Variants in SNRNP48 observed in about 807,000 individuals in gnomAD.
SNRNP48 encodes the protein U11/U12 small nuclear ribonucleoprotein 48 kDa protein.
A neutral mutation model predicts 47.0 loss-of-function variants in SNRNP48; 43 were observed. That is an observed-to-expected ratio of 0.92 (90% CI 0.72 to 1.18). SNRNP48 has a LOEUF of 1.18. SNRNP48 is among the 50% of genes most tolerant of loss of function. SNRNP48 has a pLI of 0.00. For synonymous variants in SNRNP48, 138 were observed against 144.0 expected (o/e 0.96, Z 0.30); for missense variants, 396 against 422.2 (o/e 0.94, Z 0.54).
rs1348932994 is a variant in SNRNP48, at chr6:7,609,131, G to A, written c.*258G>A. 8.4e-6 allele frequency: 2 copies of A among 237,022 alleles called. No homozygotes were observed. Among genetic ancestry groups the A allele is most frequent in the African/African-American group, 2.3e-5 (1 of 44,440 alleles). The allele number at this position is 237,022 out of a possible 1,614,324, so 14.7% of individuals were successfully genotyped here. On this transcript the variant is annotated 3_prime_UTR_variant, in exon 9 of 9. Coordinates refer to ENST00000342415, the MANE Select transcript of SNRNP48 (RefSeq NM_152551.4). ...TCCTATAACTGATGTTGTTTTGTTC[G>A]TTTTGCTAATATATGTATCTCAAAA...
intron 1 of SNRNP48, among the ~76,000 whole-genome samples, 182 bp downstream of exon 1, chr6:7,590,595 C>T (rs9328431): frequency 0.09 from 13,672 of 152,212 alleles, 929 homozygotes; most frequent in East Asian, 0.28. Flanking sequence ...CCTGACGTCC[C>T]TGGGTTCCGG....
chr6:7,598,274 C>A (rs2113717596), intron 4 of SNRNP48, among the ~76,000 whole-genome samples: 1 of 152,024 alleles, frequency 6.6e-6, no homozygotes, highest in Non-Finnish European at 1.5e-5. Flanking sequence ...GTGGGCAGAT[C>A]ACCTGAGGCC....
In SNRNP48 at chr6:7,610,179, A is replaced by G. The variant is rs552276028; in HGVS notation, c.*1306A>G. The G allele has an allele frequency of 5.3e-4, 81 of 152,348 alleles. 1 individual carries two copies. The highest frequency in any genetic ancestry group is 1.9e-3 in the African/African-American group (79 of 41,580). 9.4% of individuals were successfully genotyped at this position (152,348 alleles called of 1,614,324 possible). On this transcript the variant is annotated 3_prime_UTR_variant, in exon 9 of 9. Transcript: ENST00000342415. ...CGACATCTAAATAGCAATATTTTGA[A>G]TACTGGAAACTCAGGTTAAAGATTT...
In SNRNP48 at chr6:7,597,368, A is replaced by G. The variant is rs143006412; in HGVS notation, c.406+2267A>G. 2.5e-4 allele frequency among the ~76,000 whole-genome samples: 38 copies of G among 152,348 alleles called. No individual in the cohort carries two copies. The East Asian group carries it at 6.9e-3, about 28-fold the overall frequency. On this transcript the variant is annotated intron_variant, in intron 4 of 8. Coordinates refer to ENST00000342415, the MANE Select transcript of SNRNP48 (RefSeq NM_152551.4). ...TAAGTGGAAGAATATCACAAACTTC[A>G]TATCTCTGCATACTAATCGTGACTA... is the stretch of plus-strand genomic sequence containing the variant.
intron 8 of SNRNP48, among the ~76,000 whole-genome samples, chr6:7,608,419 T>C (rs1042180332): frequency 4.6e-5 from 7 of 151,874 alleles, no homozygotes; most frequent in Admixed American, 1.3e-4. Flanking sequence ...TAGCCAGGTG[T>C]GGTGGTTCGC....
chr6:7,595,034 C>G lies in SNRNP48; in HGVS notation c.339C>G (p.Asp113Glu). Reference sequence around the variant, plus strand: ...TTTTTTTTTTTTTGACAGATAAGGACTCACAATTCCAGATAATTAAACAAG... The same window carrying G: ...TTTTTTTTTTTTTGACAGATAAGGAGTCACAATTCCAGATAATTAAACAAG... ...VKIPSITLNK[D>E]SQFQIIKQAR... Residue 113 changes from aspartate (D) to glutamate (E), a missense_variant, in exon 4 of 9, where the codon GAC becomes GAG. Coordinates refer to ENST00000342415, the MANE Select transcript of SNRNP48 (RefSeq NM_152551.4). The G allele has an allele frequency of 6.3e-7, 1 of 1,588,924 alleles. No individual in the cohort carries two copies. Among genetic ancestry groups the G allele is most frequent in the Non-Finnish European group, 8.5e-7 (1 of 1,171,096 alleles).
intron 4 of SNRNP48, among the ~76,000 whole-genome samples, chr6:7,596,355 C>T (rs1158199700): frequency 6.6e-6 from 1 of 152,124 alleles, no homozygotes; most frequent in Non-Finnish European, 1.5e-5. Flanking sequence ...ACCTGAACAG[C>T]TTCTCTTGTA....
chr6:7,603,962 G>A (rs1404975165), intron 6 of SNRNP48, among the ~76,000 whole-genome samples: 1 of 152,188 alleles, frequency 6.6e-6, no homozygotes, highest in African/African-American at 2.4e-5. Flanking sequence ...TACTAAAGTG[G>A]ATAGCATCGT....
chr6:7,601,675 G>C, intron 5 of SNRNP48, 151 bp downstream of exon 5: 1 of 729,210 alleles, frequency 1.4e-6, no homozygotes. Context: ...CTCTGTGTCT[G>C]TGGGTTCCAT....
chr6:7,599,200 T>C (rs1759965766), intron 4 of SNRNP48, among the ~76,000 whole-genome samples: 1 of 152,200 alleles, frequency 6.6e-6, no homozygotes, highest in East Asian at 1.9e-4. Context: ...TGTATCTTTG[T>C]GACAACACCT....
chr6:7,594,799 G>T (rs541026362), intron 3 of SNRNP48, among the ~76,000 whole-genome samples: 7 of 152,170 alleles, frequency 4.6e-5, no homozygotes, highest in Non-Finnish European at 1.0e-4. Flanking sequence ...CTACTGCTGC[G>T]TGCCTAATTA....
chr6:7,592,925 G>C (rs916026291), intron 1 of SNRNP48, among the ~76,000 whole-genome samples: 1 of 152,108 alleles, frequency 6.6e-6, no homozygotes, highest in Non-Finnish European at 1.5e-5. Flanking sequence ...TGAGGGAGAA[G>C]TAGTTTCTTG....
chr6:7,610,030 C>G lies in SNRNP48; in HGVS notation c.*1157C>G, dbSNP rs1760204485. 6.6e-6 allele frequency: 1 copy of G among 152,174 alleles called. No individual in the cohort carries two copies. Among genetic ancestry groups the G allele is most frequent in the Non-Finnish European group, 1.5e-5 (1 of 68,052 alleles). 9.4% of individuals were successfully genotyped at this position (152,174 alleles called of 1,614,324 possible). ...CTGTAGTATGTACTTTGCCTTCTTC[C>G]TCTCTGCAGATTTTTGAGATTGATC... On this transcript the variant is annotated 3_prime_UTR_variant, in exon 9 of 9. Transcript: ENST00000342415.
chr6:7,590,419 GA>G lies in SNRNP48; in HGVS notation c.156+7del, dbSNP rs1325895985. 7.7e-7 allele frequency: 1 copy of G among 1,300,216 alleles called. No homozygotes were observed. The highest frequency in any genetic ancestry group is 1.5e-5 in the African/African-American group (1 of 65,516). 80.5% of individuals were successfully genotyped at this position (1,300,216 alleles called of 1,614,324 possible). A position where few individuals can be genotyped will look rare whatever the true frequency, so the allele number is the denominator to read the frequency against. ...GGGAAGAGGAGGCGGCGGAGGTGAG[GA>G]GCGCGGCCGCGGGGCCCTTTCGGGG... is the stretch of plus-strand genomic sequence containing the variant. On this transcript the variant is annotated splice_region_variant and intron_variant, in intron 1 of 8. Coordinates refer to ENST00000342415, the MANE Select transcript of SNRNP48 (RefSeq NM_152551.4).
rs957463349 is a variant in SNRNP48 at position 7,610,776 on chromosome 6, A to G, written c.*1903A>G. ...TTTAATGAAATGTGGCATCGGGTGA[A>G]AAGAGGCATTTGTTTGATCCTTGAA... On this transcript the variant is annotated 3_prime_UTR_variant, in exon 9 of 9. Transcript: ENST00000342415. The G allele has an allele frequency of 3.9e-5, 6 of 152,194 alleles. No homozygotes were observed. The South Asian group carries it at 6.2e-4, about 16-fold the overall frequency. The allele number at this position is 152,194 out of a possible 1,614,324, so 9.4% of individuals were successfully genotyped here.
intron 1 of SNRNP48, 124 bp downstream of exon 1, chr6:7,590,537 C>T (rs1432650981): frequency 9.1e-7 from 1 of 1,104,520 alleles, no homozygotes; most frequent in African/African-American, 1.6e-5. Context: ...TGTGCAGAGC[C>T]GCGATGGGCG....
At position 7,602,009 on chromosome 6, in the gene SNRNP48, A is replaced by G. The variant is rs576307524; in HGVS notation, c.595+485A>G. ...GCTGGGATTACAGACATGTGCCACCACACCTGGCTACTTTTTGTATTTTTA... is the reference window on the plus strand; with the variant it reads ...GCTGGGATTACAGACATGTGCCACCGCACCTGGCTACTTTTTGTATTTTTA... On this transcript the variant is annotated intron_variant, in intron 5 of 8. Transcript: ENST00000342415. 3.2e-4 allele frequency among the ~76,000 whole-genome samples: 49 copies of G among 152,076 alleles called. No individual in the cohort carries two copies. The South Asian group carries it at 0.01, about 32-fold the overall frequency.
intron 5 of SNRNP48, 82 bp downstream of exon 5, chr6:7,601,606 G>T: frequency 7.4e-7 from 1 of 1,343,758 alleles, no homozygotes; most frequent in South Asian, 1.8e-5. Flanking sequence ...TAATTCTTGG[G>T]CCACTTTGAG....
rs965088691 is a variant in SNRNP48, at chr6:7,609,500, A to G, written c.*627A>G. 6.6e-6 allele frequency: 1 copy of G among 152,202 alleles called. No homozygotes were observed. Among genetic ancestry groups the G allele is most frequent in the Non-Finnish European group, 1.5e-5 (1 of 68,046 alleles). 9.4% of individuals were successfully genotyped at this position (152,202 alleles called of 1,614,324 possible). ...GTAGAAAGTTATATACAAATTATAT[A>G]TATGTACAAAACAATACTATGCATT... is the stretch of plus-strand genomic sequence containing the variant. On this transcript the variant is annotated 3_prime_UTR_variant, in exon 9 of 9. Coordinates refer to ENST00000342415, the MANE Select transcript of SNRNP48 (RefSeq NM_152551.4).
Sources: gnomAD v4.1 joint callset for allele counts (sites outside exome capture counted in the v4.1 genomes callset) on GRCh38, gnomAD v4.1.1 for gene constraint, MANE v1.5 for transcripts, NCBI Gene and HGNC (gene_info 2026-07-23, HGNC 2026-07-21) for gene names.